Variants in TRERF1 observed in about 807,000 individuals in gnomAD.
The protein encoded by TRERF1 is transcriptional-regulating factor 1.
Under a neutral mutation model 122.9 loss-of-function variants are expected in TRERF1, and 27 were observed. The ratio of observed to expected loss-of-function variants is 0.22; its 90% CI spans 0.16 to 0.30. The LOEUF is 0.30. Ranked by LOEUF, TRERF1 falls within the 10% of genes least tolerant of loss-of-function variation. TRERF1 has a pLI of 1.00. For synonymous variants in TRERF1, 636 were observed against 641.7 expected (o/e 0.99, Z 0.13); for missense variants, 1,248 against 1,560.3 (o/e 0.80, Z 3.37).
chr6:42,262,550 A>C (rs1561854731), intron 8 of TRERF1, among the ~76,000 whole-genome samples: 26 of 109,918 alleles, frequency 2.4e-4, no homozygotes, highest in South Asian at 7.4e-4. Context: ...AGAGAGAGAG[A>C]GAGAGAGAGA....
intron 2 of TRERF1, among the ~76,000 whole-genome samples, chr6:42,386,207 T>C (rs889751366): frequency 6.6e-6 from 1 of 152,178 alleles, no homozygotes; most frequent in African/African-American, 2.4e-5. Context: ...TCAGGCACTG[T>C]ATTTTTAGTA....
rs1781120902 is a variant in TRERF1 at position 42,276,254 on chromosome 6, G to A, written c.-258-6406C>T. Among the ~76,000 whole-genome samples, 1 of 152,242 alleles carries A rather than the reference G, an allele frequency of 6.6e-6. No homozygotes were observed. The highest frequency in any genetic ancestry group is 6.5e-5 in the Admixed American group (1 of 15,288). ...ACAGAGAGATACACCAGGAGAGGAA[G>A]TTGACTTTGGCGGAGGTCTCCGCAG... On this transcript the variant is annotated intron_variant, in intron 4 of 17. Coordinates refer to ENST00000372922, the Ensembl canonical transcript of TRERF1. The surrounding 1 kb of genome is among the most constrained non-coding windows in gnomAD (Gnocchi z 4.3).
intron 4 of TRERF1, among the ~76,000 whole-genome samples, chr6:42,284,834 G>A (rs1008269504): frequency 2.2e-4 from 33 of 152,186 alleles, no homozygotes; most frequent in Non-Finnish European, 8.8e-5. Flanking sequence ...TGTGTTTCAT[G>A]CATTCAAATG....
intron 15 of TRERF1, 146 bp from the exon 16 acceptor site, chr6:42,236,557 G>A: frequency 7.6e-7 from 1 of 1,312,320 alleles, no homozygotes; most frequent in South Asian, 1.6e-5. Context: ...GGTGGACAGA[G>A]CCTGTTAGGC....
At chr6:42,325,720 C>A (rs914270667) in intron 3 of TRERF1, among the ~76,000 whole-genome samples, 1 of 152,052 alleles carries the variant, frequency 6.6e-6, no homozygotes, top group African/African-American at 2.4e-5. Flanking sequence ...CAAAAAAATA[C>A]AAATATTAGC....
chr6:42,366,596 T>C (rs1341361692), intron 2 of TRERF1, among the ~76,000 whole-genome samples: 3 of 152,214 alleles, frequency 2.0e-5, no homozygotes, highest in Non-Finnish European at 2.9e-5. Flanking sequence ...TAGACATAGA[T>C]AGATATACTC....
At chr6:42,365,639 T>C (rs966005893) in intron 2 of TRERF1, among the ~76,000 whole-genome samples, 3 of 152,146 alleles carry the variant, frequency 2.0e-5, no homozygotes, top group Non-Finnish European at 2.9e-5. Flanking sequence ...ACAAAACAGG[T>C]TGAAAGAGAT....
intron 3 of TRERF1, among the ~76,000 whole-genome samples, chr6:42,358,783 CTTTTTTTTTTT>C (rs397886998): frequency 8.0e-6 from 1 of 125,150 alleles, no homozygotes; most frequent in African/African-American, 3.1e-5. Flanking sequence ...TGACCTAAAG[CTTTTTTTTTTT>C]TTTTTTTTTC....
At chr6:42,305,465 G>A (rs1026800216) in intron 3 of TRERF1, among the ~76,000 whole-genome samples, 2 of 152,130 alleles carry the variant, frequency 1.3e-5, no homozygotes, top group Non-Finnish European at 2.9e-5. Flanking sequence ...GTGAAGATTA[G>A]GAGTCTTAGG....
Position 42,269,678 on chromosome 6 carries a change from C to A in TRERF1, c.-88G>T. On this transcript the variant is annotated 5_prime_UTR_variant, in exon 5 of 18. Coordinates refer to ENST00000372922, the Ensembl canonical transcript of TRERF1. The surrounding 1 kb of genome is among the most constrained non-coding windows in gnomAD (Gnocchi z 4.9). ...CCAAAAGGACTGAAACCCTGAGAAG[C>A]TGAGAGAAAAGTGTCAGCACTACTC... The A allele has an allele frequency of 6.7e-7, 1 of 1,494,488 alleles. No individual in the cohort carries two copies. 92.6% of individuals were successfully genotyped at this position (1,494,488 alleles called of 1,614,324 possible).
intron 2 of TRERF1, among the ~76,000 whole-genome samples, chr6:42,389,734 T>C (rs959255386): frequency 1.3e-5 from 2 of 152,232 alleles, no homozygotes; most frequent in African/African-American, 4.8e-5. Flanking sequence ...CACATAGCTC[T>C]TATCATTAGC....
At chr6:42,302,291 A>G (rs185700454) in intron 3 of TRERF1, among the ~76,000 whole-genome samples, 24 of 152,338 alleles carry the variant, frequency 1.6e-4, no homozygotes, top group African/African-American at 5.5e-4. Context: ...CTAGCTCCAA[A>G]AAAAACCTTT....
chr6:42,228,140 A>G lies in TRERF1; in HGVS notation c.*205T>C, dbSNP rs549574179. ...CCTCTTAAAGATAGTTGTGCCAATT[A>G]TTTATTCCCCCAACCCCCCACAAAA... On this transcript the variant is annotated 3_prime_UTR_variant, in exon 18 of 18. Coordinates refer to ENST00000372922, the Ensembl canonical transcript of TRERF1. This position sits in a 1 kb window ranked among gnomAD's most constrained non-coding sequence, Gnocchi z 4.2. 2.4e-4 allele frequency: 115 copies of G among 478,088 alleles called. No individual in the cohort carries two copies. Among genetic ancestry groups the G allele is most frequent in the African/African-American group, 1.9e-3 (95 of 50,388 alleles). 29.6% of individuals were successfully genotyped at this position (478,088 alleles called of 1,614,324 possible).
chr6:42,230,860 C>G (rs909310935), intron 17 of TRERF1, among the ~76,000 whole-genome samples: 1 of 152,164 alleles, frequency 6.6e-6, no homozygotes, highest in African/African-American at 2.4e-5. Context: ...TGGCATAGAG[C>G]CAGGAGCACA....
chr6:42,311,606 T>C (rs1761653288), intron 3 of TRERF1, among the ~76,000 whole-genome samples: 1 of 151,450 alleles, frequency 6.6e-6, no homozygotes, highest in South Asian at 2.1e-4. Flanking sequence ...CTACTAAAAA[T>C]ACAAAAAAAA....
intron 12 of TRERF1, 100 bp downstream of exon 12, chr6:42,256,628 T>C (rs1419647223): frequency 3.0e-6 from 3 of 990,108 alleles, no homozygotes; most frequent in African/African-American, 3.2e-5. Context: ...CATGCGCCGA[T>C]TGGTCATTAC....
At chr6:42,330,141 C>T (rs532224146) in intron 3 of TRERF1, among the ~76,000 whole-genome samples, 5 of 151,890 alleles carry the variant, frequency 3.3e-5, no homozygotes, top group Non-Finnish European at 5.9e-5. Flanking sequence ...AATAACCACA[C>T]GAGCAAAAAA....
chr6:42,417,541 A>G (rs1233505491), intron 2 of TRERF1, among the ~76,000 whole-genome samples: 2 of 152,214 alleles, frequency 1.3e-5, no homozygotes, highest in Non-Finnish European at 2.9e-5. Flanking sequence ...ATGAGGCACT[A>G]AACAGTGCAG....
chr6:42,268,525 G>A lies in TRERF1; in HGVS notation c.1066C>T (p.His356Tyr), dbSNP rs1779638193. 6.2e-7 allele frequency: 1 copy of A among 1,613,916 alleles called. No individual in the cohort carries two copies. Residue 356 changes from histidine (H) to tyrosine (Y), a missense_variant, in exon 5 of 18, where the codon CAC (histidine) becomes TAC (tyrosine). This residue lies in a region of TRERF1 where 946 missense variants were observed against 1,073.0 expected (regional missense o/e 0.88). Coordinates refer to ENST00000372922, the Ensembl canonical transcript of TRERF1. This position sits in a 1 kb window ranked among gnomAD's most constrained non-coding sequence, Gnocchi z 4.4. ...TGTGCCTGCTCTGGGGTATACTGGT[G>A]AGGGTCCCTGTGATAAGAAGGAGGC... is the stretch of plus-strand genomic sequence containing the variant.
Sources: gnomAD v4.1 joint callset for allele counts (sites outside exome capture counted in the v4.1 genomes callset) on GRCh38, gnomAD v4.1.1 for gene constraint, gnomAD v4.1.1 regional missense constraint, Gnocchi (gnomAD v3.1) non-coding constraint, MANE v1.5 for transcripts, NCBI Gene and HGNC (gene_info 2026-07-23, HGNC 2026-07-21) for gene names.